Variants in FOXP2 observed in about 807,000 individuals in gnomAD.
FOXP2 encodes forkhead box P2.
Under a neutral mutation model 115.8 loss-of-function variants are expected in FOXP2, and 12 were observed. The ratio of observed to expected loss-of-function variants is 0.10; its 90% CI spans 0.07 to 0.17. The LOEUF (loss-of-function observed/expected upper bound fraction) is 0.17. FOXP2 is among the 10% of genes least tolerant of loss of function. FOXP2 has a pLI of 1.00. For missense variants in FOXP2, 629 were observed against 843.5 expected, an observed-to-expected ratio of 0.75 and a Z score of 3.15; for synonymous variants, 328 against 297.7, an observed-to-expected ratio of 1.10 and a Z score of -1.05.
chr7:114,316,400 G>C (rs1797276747), intron 2 of FOXP2, among the ~76,000 whole-genome samples: 1 of 152,200 alleles, frequency 6.6e-6, no homozygotes. Context: ...GAAAGGCACT[G>C]TTGTCAGCAC....
chr7:114,632,523 A>T (rs1804976910), intron 6 of FOXP2, among the ~76,000 whole-genome samples: 1 of 152,206 alleles, frequency 6.6e-6, no homozygotes. Flanking sequence ...GTTGGGACAA[A>T]CATTAATCCA....
intron 3 of FOXP2, among the ~76,000 whole-genome samples, chr7:114,587,877 T>TTTTA (rs1802217431): frequency 4.6e-5 from 2 of 43,220 alleles, no homozygotes; most frequent in South Asian, 1.0e-3. Flanking sequence ...TAAGAGATAA[T>TTTTA]TAAATCCACC....
chr7:114,220,728 T>A (rs1331261646), intron 1 of FOXP2, among the ~76,000 whole-genome samples: 3 of 152,196 alleles, frequency 2.0e-5, no homozygotes, highest in Non-Finnish European at 2.9e-5. Flanking sequence ...CTTTCATCAC[T>A]ATTACCATAT....
intron 3 of FOXP2, among the ~76,000 whole-genome samples, chr7:114,582,191 G>A (rs1370213207): frequency 6.6e-6 from 1 of 152,178 alleles, no homozygotes; most frequent in Non-Finnish European, 1.5e-5. Flanking sequence ...GGCACAGAGA[G>A]AGGTAGTTAA....
At chr7:114,337,715 C>T (rs1373545317) in intron 2 of FOXP2, among the ~76,000 whole-genome samples, 2 of 150,812 alleles carry the variant, frequency 1.3e-5, no homozygotes, top group African/African-American at 2.4e-5. Flanking sequence ...GTAAGCAAGC[C>T]GATTTTGTAT....
rs117025044 is a variant in FOXP2 at position 114,130,440 on chromosome 7, T to C, written c.-246-32504T>C. Among the ~76,000 whole-genome samples, 1,151 of 152,356 alleles carry C rather than the reference T, an allele frequency of 7.6e-3. 12 individuals carry two copies. Among genetic ancestry groups the C allele is most frequent in the South Asian group, 0.048 (234 of 4,826 alleles). ...CCTAAAGTGTTCATTTTCCTCATTA[T>C]TTGTGTAGGTTTTCTTTTCGTTTAT... On this transcript the variant is annotated intron_variant, in intron 1 of 19. Transcript: ENST00000635638.
At chr7:114,337,627 G>C (rs576228460) in intron 2 of FOXP2, among the ~76,000 whole-genome samples, 19 of 150,954 alleles carry the variant, frequency 1.3e-4, no homozygotes, top group Non-Finnish European at 2.5e-4. Context: ...ATAAAGACTG[G>C]GGTAAATGGT....
chr7:114,556,546 A>C (rs1478012056), intron 3 of FOXP2, among the ~76,000 whole-genome samples: 1 of 152,226 alleles, frequency 6.6e-6, no homozygotes, highest in Admixed American at 6.5e-5. Flanking sequence ...ATAATATGAT[A>C]GTGTTTTTCT....
At chr7:114,623,290 G>A (rs1409865722) in intron 3 of FOXP2, among the ~76,000 whole-genome samples, 1 of 151,938 alleles carries the variant, frequency 6.6e-6, no homozygotes, top group Non-Finnish European at 1.5e-5. Context: ...GTGGGATGGA[G>A]TTTGACCTTC....
chr7:114,307,280 C>T (rs891040361), intron 2 of FOXP2, among the ~76,000 whole-genome samples: 37 of 152,022 alleles, frequency 2.4e-4, no homozygotes, highest in African/African-American at 8.0e-4. Context: ...ATTAAGGCCA[C>T]CTGTAAATAT....
At chr7:114,206,850 T>C (rs920747310) in intron 1 of FOXP2, among the ~76,000 whole-genome samples, 9 of 152,324 alleles carry the variant, frequency 5.9e-5, no homozygotes, top group South Asian at 4.1e-4. Flanking sequence ...TTAAAGTGTA[T>C]GACTCAGTGT....
intron 2 of FOXP2, among the ~76,000 whole-genome samples, chr7:114,457,296 A>T (rs1387533732): frequency 6.6e-6 from 1 of 152,166 alleles, no homozygotes; most frequent in East Asian, 1.9e-4. Flanking sequence ...GAAAAAGCAT[A>T]TATGTGAATT....
At chr7:114,090,177 A>G (rs1206732697) in intron 1 of FOXP2, among the ~76,000 whole-genome samples, 1 of 151,972 alleles carries the variant, frequency 6.6e-6, no homozygotes, top group African/African-American at 2.4e-5. Context: ...GAAAGAGGCC[A>G]TTAACTTGTA....
intron 3 of FOXP2, among the ~76,000 whole-genome samples, chr7:114,550,317 C>A (rs1296099560): frequency 6.6e-6 from 1 of 151,934 alleles, no homozygotes; most frequent in East Asian, 1.9e-4. Context: ...GGGGTTTCAC[C>A]GTGTTAGCCA....
At chr7:114,565,159 A>G (rs1800948590) in intron 3 of FOXP2, among the ~76,000 whole-genome samples, 1 of 150,962 alleles carries the variant, frequency 6.6e-6, no homozygotes, top group South Asian at 2.1e-4. Context: ...AGAGGTTCAG[A>G]TACAAAAAAG....
At chr7:114,614,856 A>G (rs1241940247) in intron 3 of FOXP2, among the ~76,000 whole-genome samples, 2 of 152,114 alleles carry the variant, frequency 1.3e-5, no homozygotes, top group African/African-American at 4.8e-5. Context: ...TTCCCCTCAG[A>G]TTTCGGCAGC....
At position 114,152,356 on chromosome 7, in the gene FOXP2, T is replaced by G. The variant is rs139634471; in HGVS notation, c.-246-10588T>G. Among the ~76,000 whole-genome samples the G allele has an allele frequency of 2.6e-5, 4 of 152,272 alleles. No homozygotes were observed. In the East Asian group the frequency reaches 7.7e-4, roughly 29 times the overall value. On this transcript the variant is annotated intron_variant, in intron 1 of 19. Coordinates refer to the FOXP2 transcript ENST00000635638. ...ACATATGGATAAAGATGAGGGAAGA[T>G]CTATTGATCAGTTTTGAATTCAGAT...
chr7:114,154,652 A>G (rs1250607184), intron 1 of FOXP2, among the ~76,000 whole-genome samples: 1 of 152,128 alleles, frequency 6.6e-6, no homozygotes, highest in Non-Finnish European at 1.5e-5. Flanking sequence ...GAATATTGGT[A>G]TGTTCTACTT....
In FOXP2 at chr7:114,096,116, A is replaced by G. The variant is rs1192668136; in HGVS notation, c.-247+8278A>G. 4.6e-5 allele frequency among the ~76,000 whole-genome samples: 7 copies of G among 152,174 alleles called. 1 individual carries two copies. On this transcript the variant is annotated intron_variant, in intron 1 of 19. Coordinates refer to the FOXP2 transcript ENST00000635638. ...ACATCATGCAACATATACATACTTC[A>G]TGAAGTGTGCGAAGGCGACTTTCTT...
Sources: allele counts gnomAD v4.1 joint callset (sites outside exome capture counted in the v4.1 genomes callset), GRCh38; gene constraint gnomAD v4.1.1; transcripts MANE v1.5; gene names NCBI Gene and HGNC (gene_info 2026-07-23, HGNC 2026-07-21).